UTP6: variants seen among roughly 807,000 people sequenced by gnomAD.
The protein encoded by UTP6 is U3 small nucleolar RNA-associated protein 6 homolog.
UTP6 carries 60 observed loss-of-function variants against 96.5 expected under a neutral mutation model. The ratio of observed to expected loss-of-function variants is 0.62; its 90% confidence interval spans 0.51 to 0.77. The LOEUF is 0.77. Ranked by LOEUF, UTP6 falls within the 30% of genes least tolerant of loss-of-function variation. The pLI is 0.00. For missense variants in UTP6, 637 were observed against 706.5 expected, an observed-to-expected ratio of 0.90 and a Z score of 1.12; for synonymous variants, 215 against 240.1, an observed-to-expected ratio of 0.90 and a Z score of 0.96.
chr17:31,888,887 T>C (rs533207077), intron 7 of UTP6, among the ~76,000 whole-genome samples: 168 of 151,972 alleles, frequency 1.1e-3, no homozygotes, highest in African/African-American at 3.7e-3. Context: ...CTGGCTAACA[T>C]GGTAAAACCC....
Position 31,892,716 on chromosome 17 carries a change from G to C in UTP6, c.360+31C>G, listed in dbSNP as rs1904393575. On this transcript the variant is annotated intron_variant, in intron 5 of 18. Coordinates refer to ENST00000261708, the MANE Select transcript of UTP6 (RefSeq NM_018428.3). ...GGGCAGATTAACAAAAAGACGGTCA[G>C]AGGAAGCAAGACATGCATGGCTTTA... 3 of 1,613,894 alleles carry C rather than the reference G, an allele frequency of 1.9e-6. No homozygotes were observed. The East Asian group carries it at 6.7e-5, about 36-fold the overall frequency.
rs1458404119 is a variant in UTP6, at chr17:31,892,259, C to A, written c.424+1G>T. 9.9e-6 allele frequency: 16 copies of A among 1,613,926 alleles called. No individual in the cohort carries two copies. Among genetic ancestry groups the A allele is most frequent in the Non-Finnish European group, 1.3e-5 (15 of 1,179,974 alleles). Reference sequence around the variant, plus strand: ...AAAAATTGACAAAGATTTCACCATACCTGGTTTGTTGGAATGAATCGCCAA... The same window carrying A: ...AAAAATTGACAAAGATTTCACCATAACTGGTTTGTTGGAATGAATCGCCAA... On this transcript the variant is annotated splice_donor_variant, in intron 6 of 18. Transcript: ENST00000261708. LOFTEE classifies it high-confidence loss of function.
At chr17:31,886,116 C>A in intron 8 of UTP6, 55 bp from the exon 9 acceptor site, 1 of 1,501,698 alleles carries the variant, frequency 6.7e-7, no homozygotes, top group Non-Finnish European at 9.1e-7. Context: ...AGGAAAAGCA[C>A]TAGGACGAAA....
chr17:31,877,921 C>T (rs989071845), intron 13 of UTP6, among the ~76,000 whole-genome samples: 7 of 149,662 alleles, frequency 4.7e-5, no homozygotes, highest in Non-Finnish European at 8.9e-5. Context: ...GAGCTGAGAT[C>T]GCGCCACTGT....
rs1331665347 is a variant in UTP6, at chr17:31,873,672, C to T, written c.1386+1G>A. The T allele has an allele frequency of 1.2e-6, 2 of 1,613,604 alleles. No individual in the cohort carries two copies. Among genetic ancestry groups the T allele is most frequent in the African/African-American group, 2.7e-5 (2 of 74,882 alleles). ...CAAGACTTGGAACACGGAGCCTATA[C>T]CTTAAAGACTGCCTCAGTGTCTTCT... On this transcript the variant is annotated splice_donor_variant, in intron 15 of 18. Transcript: ENST00000261708. LOFTEE classifies it high-confidence loss of function.
At chr17:31,875,078 C>G (rs1910415640) in intron 14 of UTP6, among the ~76,000 whole-genome samples, 156 bp downstream of exon 14, 1 of 152,006 alleles carries the variant, frequency 6.6e-6, no homozygotes, top group Non-Finnish European at 1.5e-5. Context: ...TAAATAGAAG[C>G]AAATTCTTCT....
chr17:31,885,487 TA>T, intron 9 of UTP6, among the ~76,000 whole-genome samples: 1 of 150,356 alleles, frequency 6.7e-6, no homozygotes, highest in East Asian at 2.0e-4. Flanking sequence ...GAGTAGAATA[TA>T]AATTTTAAAA....
At chr17:31,883,357 C>T (rs191460479) in intron 10 of UTP6, among the ~76,000 whole-genome samples, 1 of 148,842 alleles carries the variant, frequency 6.7e-6, no homozygotes, top group East Asian at 1.9e-4. Context: ...CTCTTGTTTC[C>T]CAGGCTGGAG....
Position 31,880,646 on chromosome 17 carries a change from T to C in UTP6, c.894A>G (p.Lys298=), listed in dbSNP as rs1417116453. 1.9e-6 allele frequency: 3 copies of C among 1,614,156 alleles called. No homozygotes were observed. The South Asian group carries it at 3.3e-5, about 18-fold the overall frequency. The part of the protein sequence containing the change: ...TEEQPTTKQA[K]AVEVGRKEER... Reference sequence around the variant, plus strand: ...CCTCCTTCCGGCCGACCTCCACTGCTTTGGCTTGTTTCGTTGTAGGCTGCT... The same window carrying C: ...CCTCCTTCCGGCCGACCTCCACTGCCTTGGCTTGTTTCGTTGTAGGCTGCT... Residue 298 remains lysine (K), a synonymous_variant, in exon 11 of 19, where the codon AAA becomes AAG. Transcript: ENST00000261708.
chr17:31,865,541 G>A (rs1895362601), intron 17 of UTP6, 103 bp from the exon 18 acceptor site: 2 of 1,170,938 alleles, frequency 1.7e-6, no homozygotes, highest in South Asian at 2.6e-5. Context: ...GTATTTGAAG[G>A]GAAGAGTTTA....
intron 10 of UTP6, among the ~76,000 whole-genome samples, chr17:31,883,289 G>A (rs956831778): frequency 6.6e-6 from 1 of 150,730 alleles, no homozygotes; most frequent in Non-Finnish European, 1.5e-5. Context: ...CAGGAAAATA[G>A]AATTTAGAAT....
At chr17:31,897,798 T>A (rs1904744017) in intron 2 of UTP6, among the ~76,000 whole-genome samples, 1 of 152,128 alleles carries the variant, frequency 6.6e-6, no homozygotes, top group South Asian at 2.1e-4. Flanking sequence ...TCTTTCTGAA[T>A]CCTGATTCCG....
chr17:31,865,481 A>G, intron 17 of UTP6, 43 bp from the exon 18 acceptor site: 1 of 1,581,416 alleles, frequency 6.3e-7, no homozygotes, highest in Non-Finnish European at 8.7e-7. Context: ...CTGATTTATA[A>G]CATAACAAAT....
chr17:31,864,424 T>C (rs1909702274), intron 18 of UTP6, among the ~76,000 whole-genome samples: 1 of 152,070 alleles, frequency 6.6e-6, no homozygotes, highest in African/African-American at 2.4e-5. Context: ...TGTTTATGAG[T>C]TCACAAAGTC....
chr17:31,874,372 C>G (rs1567780484), intron 14 of UTP6: 2 of 152,138 alleles, frequency 1.3e-5, no homozygotes, highest in African/African-American at 4.8e-5. Context: ...ATGGCAAAAC[C>G]CTGTCTCTAC....
At chr17:31,882,756 C>T (rs142290294) in intron 10 of UTP6, among the ~76,000 whole-genome samples, 3,689 of 152,178 alleles carry the variant, frequency 0.024, 67 homozygotes, top group Middle Eastern at 0.051. Flanking sequence ...TACCAAAAAA[C>T]GGAAGTACCC....
intron 6 of UTP6, among the ~76,000 whole-genome samples, chr17:31,890,150 T>C (rs1183137687): frequency 1.3e-5 from 2 of 151,916 alleles, no homozygotes; most frequent in Non-Finnish European, 2.9e-5. Context: ...GCATACACCA[T>C]CACGCCCACC....
chr17:31,900,301 T>A (rs1423650167), intron 1 of UTP6, among the ~76,000 whole-genome samples: 1 of 152,114 alleles, frequency 6.6e-6, no homozygotes, highest in Non-Finnish European at 1.5e-5. Context: ...TGTATGGTGT[T>A]TTTTTTGTTT....
chr17:31,877,469 T>C (rs147530235), intron 13 of UTP6, among the ~76,000 whole-genome samples: 75 of 152,264 alleles, frequency 4.9e-4, no homozygotes, highest in East Asian at 3.7e-3. Flanking sequence ...CGGTTTGATA[T>C]GTTTCTTCCG....
Sources: allele counts gnomAD v4.1 joint callset (sites outside exome capture counted in the v4.1 genomes callset), GRCh38; gene constraint gnomAD v4.1.1; transcripts MANE v1.5; gene names NCBI Gene and HGNC (gene_info 2026-07-23, HGNC 2026-07-21).